Variants in NTM observed in about 807,000 individuals in gnomAD.
NTM encodes the protein neurotrimin.
A neutral mutation model predicts 42.1 loss-of-function variants in NTM; 13 were observed. The ratio of observed to expected loss-of-function variants is 0.31; its 90% CI spans 0.20 to 0.49. The LOEUF is 0.49. Among genes scored for constraint, NTM ranks in the 20% least tolerant of loss-of-function variants. The pLI, the probability that NTM is intolerant of heterozygous loss-of-function variation, is 0.99. For synonymous variants in NTM, 187 were observed against 179.2 expected, an observed-to-expected ratio of 1.04 and a Z score of -0.35; for missense variants, 373 against 452.8, an observed-to-expected ratio of 0.82 and a Z score of 1.60.
chr11:131,738,306 C>G (rs569131967), intron 1 of NTM, among the ~76,000 whole-genome samples: 2 of 152,340 alleles, frequency 1.3e-5, no homozygotes, highest in Admixed American at 6.5e-5. Flanking sequence ...CTATGGGTTT[C>G]ACCCTGTGGA....
intron 3 of NTM, among the ~76,000 whole-genome samples, chr11:132,169,899 C>A (rs1198670513): frequency 6.6e-6 from 1 of 152,142 alleles, no homozygotes; most frequent in African/African-American, 2.4e-5. Context: ...TCAGTTATCC[C>A]ACCTTTGTCT....
intron 1 of NTM, among the ~76,000 whole-genome samples, chr11:131,727,023 A>G (rs1591448351): frequency 6.6e-6 from 1 of 151,328 alleles, no homozygotes; most frequent in African/African-American, 2.5e-5. Flanking sequence ...TCCCCTGTCA[A>G]CCAGTCAGGC....
chr11:131,593,162 A>G (rs1003486928), intron 1 of NTM, among the ~76,000 whole-genome samples: 1 of 152,116 alleles, frequency 6.6e-6, no homozygotes, highest in African/African-American at 2.4e-5. Flanking sequence ...GAAATAGGCA[A>G]AGAGCAGTCC....
intron 4 of NTM, among the ~76,000 whole-genome samples, chr11:132,281,731 C>G (rs116819647): frequency 1.0e-3 from 155 of 152,266 alleles, no homozygotes; most frequent in African/African-American, 3.5e-3. Context: ...ACATATTCTT[C>G]TTTTAGATTT....
At position 131,724,409 on chromosome 11, in the gene NTM, G is replaced by A. The variant is rs536753836; in HGVS notation, c.83-187155G>A. Among the ~76,000 whole-genome samples the A allele has an allele frequency of 7.0e-4, 106 of 152,232 alleles. No individual in the cohort carries two copies. In the South Asian group the frequency reaches 0.013, roughly 19 times the overall value. The stretch of plus-strand genomic sequence containing the variant: ...TGAGGTTTGAGAAGACAACTCAAGC[G>A]TGCTGTCTGGCCCTACTCTCAGGGG... On this transcript the variant is annotated intron_variant, in intron 1 of 8. Coordinates refer to ENST00000683400, the MANE Select transcript of NTM (RefSeq NM_001352005.2).
intron 4 of NTM, among the ~76,000 whole-genome samples, chr11:132,220,528 G>T (rs1010075926): frequency 5.9e-5 from 9 of 152,226 alleles, no homozygotes; most frequent in Non-Finnish European, 1.3e-4. Flanking sequence ...GGAAATTAAT[G>T]AGTTCAATGT....
intron 1 of NTM, among the ~76,000 whole-genome samples, chr11:131,622,668 A>G (rs1397570505): frequency 6.6e-6 from 1 of 152,212 alleles, no homozygotes; most frequent in Non-Finnish European, 1.5e-5. Flanking sequence ...AAAACGGCGT[A>G]AATCTGCTTC....
chr11:131,420,676 C>T (rs762514030), intron 1 of NTM, among the ~76,000 whole-genome samples: 1 of 152,206 alleles, frequency 6.6e-6, no homozygotes, highest in Non-Finnish European at 1.5e-5. Flanking sequence ...GGCTCTTTCC[C>T]TTCTGCAGAG....
At chr11:131,461,647 A>C (rs939433701) in intron 1 of NTM, among the ~76,000 whole-genome samples, 1 of 152,218 alleles carries the variant, frequency 6.6e-6, no homozygotes, top group African/African-American at 2.4e-5. Context: ...ATGGTTAATA[A>C]TAATGCATTG....
intron 1 of NTM, among the ~76,000 whole-genome samples, chr11:131,697,408 G>A (rs2075587340): frequency 6.6e-6 from 1 of 152,180 alleles, no homozygotes. Context: ...TATTTTCCAT[G>A]CCCAGGACCT....
intron 1 of NTM, among the ~76,000 whole-genome samples, chr11:131,643,191 T>C (rs982495164): frequency 6.6e-6 from 1 of 152,134 alleles, no homozygotes. Context: ...TGACATTCAC[T>C]TTAGCAAAAC....
intron 1 of NTM, among the ~76,000 whole-genome samples, chr11:131,703,143 T>C (rs1373960212): frequency 6.6e-6 from 1 of 152,214 alleles, no homozygotes; most frequent in Non-Finnish European, 1.5e-5. Context: ...AGTTCTGGTG[T>C]TCCATTTCAC....
chr11:132,019,119 GCTTA>G (rs1163956380), intron 2 of NTM, among the ~76,000 whole-genome samples: 1 of 151,534 alleles, frequency 6.6e-6, no homozygotes, highest in African/African-American at 2.4e-5. Flanking sequence ...TTATCAAGGA[GCTTA>G]CTTCTTGTTT....
intron 1 of NTM, among the ~76,000 whole-genome samples, chr11:131,460,326 A>G (rs1951264314): frequency 6.6e-6 from 1 of 152,206 alleles, no homozygotes; most frequent in Non-Finnish European, 1.5e-5. Flanking sequence ...AATGGCCCCA[A>G]AGGCCAAAAG....
intron 1 of NTM, among the ~76,000 whole-genome samples, chr11:131,615,145 C>A (rs1380903213): frequency 6.6e-6 from 1 of 152,226 alleles, no homozygotes; most frequent in African/African-American, 2.4e-5. Context: ...AACACTTGGA[C>A]TGAGAAATTG....
intron 4 of NTM, among the ~76,000 whole-genome samples, chr11:132,256,419 A>G (rs1181970961): frequency 6.6e-6 from 1 of 152,132 alleles, no homozygotes; most frequent in Non-Finnish European, 1.5e-5. Flanking sequence ...GGCCAACCTA[A>G]TCACTTGCAC....
At chr11:132,171,397 G>A (rs2076096212) in intron 3 of NTM, among the ~76,000 whole-genome samples, 1 of 152,214 alleles carries the variant, frequency 6.6e-6, no homozygotes, top group Non-Finnish European at 1.5e-5. Flanking sequence ...GGCAGATTTG[G>A]TGTCTGGCGT....
intron 1 of NTM, among the ~76,000 whole-genome samples, chr11:131,545,743 G>A (rs996321631): frequency 6.6e-6 from 1 of 152,210 alleles, no homozygotes; most frequent in Admixed American, 6.5e-5. Context: ...ACTTCCTAAA[G>A]CAAGTGACCT....
intron 2 of NTM, among the ~76,000 whole-genome samples, chr11:132,094,835 A>G (rs949911610): frequency 1.3e-5 from 2 of 151,098 alleles, no homozygotes; most frequent in South Asian, 2.1e-4. Context: ...ATCAGTGTGT[A>G]TGTGTGTGTG....
Sources: gnomAD v4.1 joint callset for allele counts (sites outside exome capture counted in the v4.1 genomes callset) on GRCh38, gnomAD v4.1.1 for gene constraint, MANE v1.5 for transcripts, NCBI Gene and HGNC (gene_info 2026-07-23, HGNC 2026-07-21) for gene names.